C7orf33: variants seen among roughly 807,000 people sequenced by gnomAD.
C7orf33 encodes the protein chromosome 7 open reading frame 33, also known as uncharacterized protein C7orf33.
A neutral mutation model predicts 13.4 loss-of-function variants in C7orf33; 15 were observed. That is an observed-to-expected ratio of 1.12 (90% CI 0.75 to 1.72). The LOEUF (loss-of-function observed/expected upper bound fraction) is 1.72. C7orf33 is among the 40% of genes most tolerant of loss of function. C7orf33 has a pLI of 0.00. For missense variants in C7orf33, 187 were observed against 220.3 expected (o/e 0.85, Z 0.96); for synonymous variants, 73 against 83.2 (o/e 0.88, Z 0.67).
chr7:148,606,858 A>G (rs989960597), intron 1 of C7orf33, among the ~76,000 whole-genome samples: 5 of 151,096 alleles, frequency 3.3e-5, no homozygotes, highest in African/African-American at 9.7e-5. Context: ...AAGTGCTGGG[A>G]TGACAGGCGT....
intron 1 of C7orf33, among the ~76,000 whole-genome samples, chr7:148,598,759 TATATAGAGAGAGAGAGAGAGAGAGAGAG>T (rs1377039551): frequency 1.8e-4 from 6 of 32,950 alleles, no homozygotes; most frequent in African/African-American, 7.3e-4. Flanking sequence ...TATATATATA[TATATAGAGAGAGAGAGAGAGAGAGAGAG>T]AGAGAGAGAG....
At chr7:148,595,079 G>T (rs1294277911) in intron 1 of C7orf33, among the ~76,000 whole-genome samples, 3 of 151,724 alleles carry the variant, frequency 2.0e-5, no homozygotes, top group Non-Finnish European at 2.9e-5. Flanking sequence ...CACCAGGTCA[G>T]GTTTTCTTTT....
At chr7:148,593,440 T>A (rs866180338) in intron 1 of C7orf33, among the ~76,000 whole-genome samples, 46 of 152,092 alleles carry the variant, frequency 3.0e-4, no homozygotes, top group African/African-American at 1.0e-3. Context: ...TTTTTTTGTA[T>A]TTTTAGTAGA....
chr7:148,607,557 A>G (rs1035507754), intron 1 of C7orf33, among the ~76,000 whole-genome samples: 9 of 152,218 alleles, frequency 5.9e-5, no homozygotes, highest in Admixed American at 5.9e-4. Flanking sequence ...TTATGCCACT[A>G]CAGGACTTCA....
At chr7:148,603,973 T>G (rs575475849) in intron 1 of C7orf33, among the ~76,000 whole-genome samples, 2 of 152,036 alleles carry the variant, frequency 1.3e-5, no homozygotes, top group African/African-American at 4.8e-5. Flanking sequence ...AATTCCCAAT[T>G]GCAAAAATAC....
At chr7:148,608,365 G>C (rs1796498260) in intron 1 of C7orf33, among the ~76,000 whole-genome samples, 1 of 152,064 alleles carries the variant, frequency 6.6e-6, no homozygotes, top group South Asian at 2.1e-4. Context: ...AGGAGGCGGA[G>C]GTTGCAGTGA....
intron 1 of C7orf33, among the ~76,000 whole-genome samples, chr7:148,610,170 G>A (rs1409468326): frequency 6.6e-6 from 1 of 152,212 alleles, no homozygotes; most frequent in Non-Finnish European, 1.5e-5. Flanking sequence ...TGATCCACAA[G>A]TAAGACTTCT....
intron 2 of C7orf33, among the ~76,000 whole-genome samples, chr7:148,615,118 TG>T (rs1401558814): frequency 6.6e-6 from 1 of 152,142 alleles, no homozygotes; most frequent in Non-Finnish European, 1.5e-5. Flanking sequence ...TTTATATTTT[TG>T]GTAGAGAAGG....
At chr7:148,599,927 G>A (rs370930221) in intron 1 of C7orf33, among the ~76,000 whole-genome samples, 50 of 151,626 alleles carry the variant, frequency 3.3e-4, no homozygotes, top group African/African-American at 9.4e-4. Flanking sequence ...CAGCTTACGC[G>A]TCCAAACTCC....
In C7orf33 at chr7:148,591,107, C is replaced by G; in HGVS notation, c.182C>G (p.Ser61Ter). The G allele has an allele frequency of 3.7e-6, 6 of 1,613,456 alleles. No homozygotes were observed. Among genetic ancestry groups the G allele is most frequent in the Non-Finnish European group, 5.1e-6 (6 of 1,179,834 alleles). ...VRGGPGQFNL[S>*]YATGRHKKPN... Reference sequence around the variant, plus strand: ...GGCGGTCCAGGTCAATTTAACTTGTCATATGCCACGGGAAGACATAAGGTA... The same window carrying G: ...GGCGGTCCAGGTCAATTTAACTTGTGATATGCCACGGGAAGACATAAGGTA... Residue 61 changes from serine (S) to a stop codon, truncating the protein, a stop_gained, in exon 1 of 3, where the codon TCA (serine) becomes TGA (stop). Coordinates refer to ENST00000307003, the MANE Select transcript of C7orf33 (RefSeq NM_145304.4). LOFTEE classifies it high-confidence loss of function.
chr7:148,606,933 TACACACACACACACACAC>T (rs112000703), intron 1 of C7orf33, among the ~76,000 whole-genome samples: 1 of 139,232 alleles, frequency 7.2e-6, no homozygotes, highest in African/African-American at 2.6e-5. Flanking sequence ...AAAAAAAAAA[TACACACACACACACACAC>T]ACACACACAC....
At chr7:148,598,745 TATATATATATATATATATAGAG>T (rs1218513262) in intron 1 of C7orf33, among the ~76,000 whole-genome samples, 21 of 71,092 alleles carry the variant, frequency 3.0e-4, no homozygotes, top group African/African-American at 1.1e-3. Context: ...TATATATATA[TATATATATATATATATATAGAG>T]AGAGAGAGAG....
intron 1 of C7orf33, among the ~76,000 whole-genome samples, chr7:148,601,295 T>G (rs1796411056): frequency 6.6e-6 from 1 of 152,188 alleles, no homozygotes; most frequent in Admixed American, 6.5e-5. Flanking sequence ...CTTTTAAAAT[T>G]TATGATTCTT....
intron 1 of C7orf33, among the ~76,000 whole-genome samples, chr7:148,598,759 TATATAGAGAG>T (rs1331098940): frequency 2.5e-3 from 81 of 32,856 alleles, no homozygotes; most frequent in East Asian, 3.0e-3. Context: ...TATATATATA[TATATAGAGAG>T]AGAGAGAGAG....
At position 148,591,029 on chromosome 7, in the gene C7orf33, G is replaced by A. The variant is rs142396932; in HGVS notation, c.104G>A (p.Arg35Gln). ...EALLPSGARR[R>Q]IDLRLSGRAV... ...CTCCTGCCCAGTGGGGCAAGGCGCC[G>A]GATTGACCTTCGCCTGAGTGGGAGG... The change falls in exon 1 of 3, where the codon CGG becomes CAG. Residue 35 changes from arginine (R) to glutamine (Q), a missense_variant. Transcript: ENST00000307003. The A allele has an allele frequency of 2.4e-5, 38 of 1,614,186 alleles. No homozygotes were observed. Among genetic ancestry groups the A allele is most frequent in the East Asian group, 1.1e-4 (5 of 44,874 alleles).
intron 1 of C7orf33, among the ~76,000 whole-genome samples, chr7:148,597,948 G>C (rs1382106338): frequency 6.6e-6 from 1 of 152,030 alleles, no homozygotes; most frequent in Non-Finnish European, 1.5e-5. Context: ...GTAGAGATGG[G>C]GTTTCACTGT....
rs555332994 is a variant in C7orf33 at position 148,615,319 on chromosome 7, A to G, written c.460-8A>G. 1.3e-6 allele frequency: 2 copies of G among 1,598,832 alleles called. No homozygotes were observed. Among genetic ancestry groups the G allele is most frequent in the Non-Finnish European group, 1.7e-6 (2 of 1,166,218 alleles). ...GAGATAACAGAAGTCTTCGTAATCC[A>G]CATGTAGGTACGTGGGCATGAAGTA... On this transcript the variant is annotated splice_polypyrimidine_tract_variant and splice_region_variant and intron_variant, in intron 2 of 2. Transcript: ENST00000307003.
chr7:148,594,269 G>A (rs564899859), intron 1 of C7orf33, among the ~76,000 whole-genome samples: 3 of 149,974 alleles, frequency 2.0e-5, no homozygotes, highest in Admixed American at 1.3e-4. Flanking sequence ...TCCGCCTCCC[G>A]GGTTCGTGCC....
At chr7:148,601,348 AT>A (rs937260340) in intron 1 of C7orf33, among the ~76,000 whole-genome samples, 1 of 151,574 alleles carries the variant, frequency 6.6e-6, no homozygotes, top group Non-Finnish European at 1.5e-5. Flanking sequence ...AGCTTTTAAA[AT>A]TTTTTTTATT....
Sources: gnomAD v4.1 joint callset for allele counts (sites outside exome capture counted in the v4.1 genomes callset) on GRCh38, gnomAD v4.1.1 for gene constraint, MANE v1.5 for transcripts, NCBI Gene and HGNC (gene_info 2026-07-23, HGNC 2026-07-21) for gene names.